TRMT10B: variants seen among roughly 807,000 people sequenced by gnomAD.
The protein encoded by TRMT10B is tRNA methyltransferase 10 homolog B.
Under a neutral mutation model 43.8 loss-of-function variants are expected in TRMT10B, and 33 were observed. The ratio of observed to expected loss-of-function variants is 0.75; its 90% CI spans 0.57 to 1.01. The LOEUF (loss-of-function observed/expected upper bound fraction) is 1.01. Ranked by LOEUF, TRMT10B falls within the 50% of genes least tolerant of loss-of-function variation. The probability of loss-of-function intolerance (pLI) is 0.00; values close to 1 mark genes in which losing one functional copy is unlikely to be tolerated. For missense variants in TRMT10B, 362 were observed against 369.8 expected, an observed-to-expected ratio of 0.98 and a Z score of 0.17; for synonymous variants, 137 against 130.6, an observed-to-expected ratio of 1.05 and a Z score of -0.34.
chr9:37,769,987 C>G lies in TRMT10B; in HGVS notation c.620C>G (p.Thr207Ser). 6.2e-7 allele frequency: 1 copy of G among 1,614,122 alleles called. No individual in the cohort carries two copies. ...TGCTTTAGTTTATTTCCCTTGGAAA[C>G]CCTTGTGTACCTGACTCCTGACTCA... ...EDCFSLFPLE[T>S]LVYLTPDSEH... The change falls in exon 6 of 9, where the codon ACC becomes AGC. Residue 207 changes from threonine (T) to serine (S), a missense_variant. Coordinates refer to ENST00000297994, the MANE Select transcript of TRMT10B (RefSeq NM_144964.4).
intron 1 of TRMT10B, among the ~76,000 whole-genome samples, chr9:37,755,906 C>T (rs1048589793): frequency 6.6e-5 from 10 of 152,092 alleles, no homozygotes; most frequent in African/African-American, 2.4e-4. Context: ...AGGTATAAGC[C>T]CTCCTACAAA....
chr9:37,754,910 G>A (rs182788233), intron 1 of TRMT10B, among the ~76,000 whole-genome samples: 12 of 152,270 alleles, frequency 7.9e-5, no homozygotes, highest in African/African-American at 2.4e-4. Flanking sequence ...TCAAACCAGA[G>A]CAGCACTCAA....
At chr9:37,763,848 G>C (rs1231617611) in intron 4 of TRMT10B, 95 bp downstream of exon 4, 1 of 1,605,124 alleles carries the variant, frequency 6.2e-7, no homozygotes, top group African/African-American at 1.3e-5. Context: ...CCAGCTTCTG[G>C]GATTCCTTAG....
chr9:37,759,858 T>C (rs1236970633), intron 1 of TRMT10B, among the ~76,000 whole-genome samples: 3 of 152,206 alleles, frequency 2.0e-5, no homozygotes, highest in Admixed American at 2.0e-4. Flanking sequence ...GTTCCATATC[T>C]TGACAGGATT....
intron 7 of TRMT10B, among the ~76,000 whole-genome samples, chr9:37,775,819 C>T (rs1277830040): frequency 6.6e-6 from 1 of 152,198 alleles, no homozygotes; most frequent in Admixed American, 6.5e-5. Flanking sequence ...GGCACTTCAC[C>T]TGGCCCCTTT....
At chr9:37,770,804 C>G (rs1207710502) in intron 7 of TRMT10B, 65 bp downstream of exon 7, 1 of 1,544,188 alleles carries the variant, frequency 6.5e-7, no homozygotes, top group Non-Finnish European at 8.9e-7. Flanking sequence ...GAGGCATGTG[C>G]CCTGTTATAG....
At chr9:37,756,598 C>G (rs1322849169) in intron 1 of TRMT10B, among the ~76,000 whole-genome samples, 1 of 151,728 alleles carries the variant, frequency 6.6e-6, no homozygotes, top group Non-Finnish European at 1.5e-5. Context: ...CCCAGCTACT[C>G]GGGAGGCTGA....
At chr9:37,774,741 G>GT (rs1827959408) in intron 7 of TRMT10B, among the ~76,000 whole-genome samples, 1 of 152,124 alleles carries the variant, frequency 6.6e-6, no homozygotes, top group South Asian at 2.1e-4. Context: ...CTAAAATTTT[G>GT]TTTCATGTGA....
chr9:37,759,643 T>A (rs991782412), intron 1 of TRMT10B, among the ~76,000 whole-genome samples: 4 of 151,810 alleles, frequency 2.6e-5, no homozygotes, highest in African/African-American at 7.3e-5. Context: ...CATGGTGAAA[T>A]TCATTTCTGC....
chr9:37,753,609 C>CAGACGGGG (rs1825206755), upstream of TRMT10B, among the ~76,000 whole-genome samples: 1 of 152,166 alleles, frequency 6.6e-6, no homozygotes, highest in African/African-American at 2.4e-5. Context: ...AGCTGTCCAG[C>CAGACGGGG]AGACGGGGAG....
chr9:37,776,251 A>G (rs996854866), intron 7 of TRMT10B, 31 bp from the exon 8 acceptor site: 7 of 1,423,614 alleles, frequency 4.9e-6, no homozygotes, highest in Admixed American at 3.1e-5. Context: ...TATAATTTTT[A>G]TAAGAAAAAT....
At chr9:37,753,786 A>C (rs1471123040), upstream of TRMT10B, 1 of 152,292 alleles carries the variant, frequency 6.6e-6, no homozygotes, top group Non-Finnish European at 1.5e-5. Flanking sequence ...TACGAAGCGG[A>C]AGCGAGGCCG....
intron 4 of TRMT10B, 43 bp downstream of exon 4, chr9:37,763,796 G>A: frequency 6.2e-7 from 1 of 1,612,614 alleles, no homozygotes; most frequent in Non-Finnish European, 8.5e-7. Flanking sequence ...CGCCATGAGG[G>A]AGGCCCAGAA....
At chr9:37,773,973 A>AC (rs1190617208) in intron 7 of TRMT10B, among the ~76,000 whole-genome samples, 39 of 113,944 alleles carry the variant, frequency 3.4e-4, no homozygotes, top group African/African-American at 2.9e-5. Flanking sequence ...AAAAAAAAAA[A>AC]ACAACAATAA....
chr9:37,764,315 ATTTTTTTTTTTTTT>A (rs753115932), intron 4 of TRMT10B, among the ~76,000 whole-genome samples: 1 of 110,582 alleles, frequency 9.0e-6, no homozygotes, highest in African/African-American at 3.6e-5. Context: ...CGCCTGACAA[ATTTTTTTTTTTTTT>A]TTTTTTTTTG....
intron 2 of TRMT10B, 86 bp from the exon 3 acceptor site, chr9:37,762,490 AG>A: frequency 1.3e-6 from 2 of 1,489,706 alleles, no homozygotes; most frequent in Non-Finnish European, 8.9e-7. Context: ...TATATAAATA[AG>A]AAAAAAGCAA....
rs1828415242 is a variant in TRMT10B, at chr9:37,778,481, A to T, written c.*774A>T. Reference sequence around the variant, plus strand: ...AGTGAGCCAAGATCCAGCCTGGGCGACAGAGCCAGACTCTTGTCTCGAGGG... The same window carrying T: ...AGTGAGCCAAGATCCAGCCTGGGCGTCAGAGCCAGACTCTTGTCTCGAGGG... On this transcript the variant is annotated 3_prime_UTR_variant, in exon 9 of 9. Coordinates refer to ENST00000297994, the MANE Select transcript of TRMT10B (RefSeq NM_144964.4). The T allele has an allele frequency of 6.6e-6, 1 of 151,994 alleles. No homozygotes were observed. The highest frequency in any genetic ancestry group is 2.4e-5 in the African/African-American group (1 of 41,362). The allele number at this position is 151,994 out of a possible 1,614,324, so 9.4% of individuals were successfully genotyped here.
intron 1 of TRMT10B, among the ~76,000 whole-genome samples, chr9:37,758,201 C>T (rs1033797222): frequency 1.3e-5 from 2 of 152,100 alleles, no homozygotes; most frequent in African/African-American, 4.8e-5. Flanking sequence ...TGCTTGAGTC[C>T]AGGAATTCCA....
chr9:37,756,410 TA>T (rs10709633), intron 1 of TRMT10B, among the ~76,000 whole-genome samples: 46,285 of 147,780 alleles, frequency 0.31, 7,219 homozygotes, highest in Non-Finnish European at 0.35. Flanking sequence ...ATCTTTTGTT[TA>T]AAAAAAAAAA....
Sources: allele counts gnomAD v4.1 joint callset (sites outside exome capture counted in the v4.1 genomes callset), GRCh38; gene constraint gnomAD v4.1.1; transcripts MANE v1.5; gene names NCBI Gene and HGNC (gene_info 2026-07-23, HGNC 2026-07-21).